CHSY3: variants seen among roughly 807,000 people sequenced by gnomAD.
The protein encoded by CHSY3 is chondroitin sulfate synthase 3, also known as N-acetylgalactosaminyl-proteoglycan 3-beta-glucuronosyltransferase 3.
CHSY3 carries 35 observed loss-of-function variants against 67.2 expected under a neutral mutation model. The ratio of observed to expected loss-of-function variants is 0.52; its 90% CI spans 0.40 to 0.69. The LOEUF (loss-of-function observed/expected upper bound fraction) is 0.69. Among genes scored for constraint, CHSY3 ranks in the 30% least tolerant of loss-of-function variants. The probability of loss-of-function intolerance (pLI) is 0.00; values close to 1 mark genes in which losing one functional copy is unlikely to be tolerated. For missense variants in CHSY3, 1,069 were observed against 1,138.5 expected, an observed-to-expected ratio of 0.94 and a Z score of 0.88; for synonymous variants, 474 against 434.7, an observed-to-expected ratio of 1.09 and a Z score of -1.12.
chr5:130,112,171 G>T (rs775524380), intron 2 of CHSY3, among the ~76,000 whole-genome samples: 12 of 151,990 alleles, frequency 7.9e-5, no homozygotes, highest in Non-Finnish European at 1.8e-4. Flanking sequence ...TATAATTGGA[G>T]ATATCAAACA....
chr5:130,084,580 T>C (rs1271449833), intron 2 of CHSY3, among the ~76,000 whole-genome samples: 4 of 151,148 alleles, frequency 2.6e-5, no homozygotes, highest in Non-Finnish European at 4.4e-5. Flanking sequence ...AAGAGAGTAA[T>C]TGATCTTTTA....
intron 2 of CHSY3, among the ~76,000 whole-genome samples, chr5:129,998,354 A>G (rs62391410): frequency 0.53 from 80,990 of 151,930 alleles, 21,924 homozygotes; most frequent in Non-Finnish European, 0.59. Flanking sequence ...GTTTCACTGT[A>G]AGGATATAAA....
chr5:130,001,869 G>A, intron 2 of CHSY3: 1 of 928,016 alleles, frequency 1.1e-6, no homozygotes, highest in Non-Finnish European at 1.3e-6. Context: ...ATATAATCCT[G>A]TGTGTAACCA....
At chr5:130,086,911 C>CA (rs1212323807) in intron 2 of CHSY3, among the ~76,000 whole-genome samples, 6 of 151,788 alleles carry the variant, frequency 4.0e-5, no homozygotes, top group African/African-American at 7.3e-5. Flanking sequence ...AGAGACACAA[C>CA]AAAAAAAGAG....
chr5:130,043,959 T>C (rs1040711673), intron 2 of CHSY3, among the ~76,000 whole-genome samples: 1 of 152,122 alleles, frequency 6.6e-6, no homozygotes, highest in Non-Finnish European at 1.5e-5. Flanking sequence ...GATTTGGCCA[T>C]GCTGAGGTTA....
chr5:130,005,417 C>T (rs1763847450), intron 2 of CHSY3, among the ~76,000 whole-genome samples: 1 of 111,098 alleles, frequency 9.0e-6, no homozygotes, highest in South Asian at 2.8e-4. Context: ...CTGTGAAAAA[C>T]AAGACGAAAC....
chr5:129,912,979 T>C (rs893373077), intron 2 of CHSY3, among the ~76,000 whole-genome samples: 23 of 152,246 alleles, frequency 1.5e-4, no homozygotes, highest in Non-Finnish European at 2.5e-4. Flanking sequence ...TTCTATTCTA[T>C]TCACTCTGCA....
At chr5:129,929,252 T>C (rs1251435037) in intron 2 of CHSY3, among the ~76,000 whole-genome samples, 1 of 152,164 alleles carries the variant, frequency 6.6e-6, no homozygotes, top group African/African-American at 2.4e-5. Context: ...GAGAGATCTG[T>C]GAGGAGTGAA....
intron 2 of CHSY3, among the ~76,000 whole-genome samples, chr5:130,132,875 A>G (rs140784802): frequency 6.6e-6 from 1 of 152,282 alleles, no homozygotes; most frequent in African/African-American, 2.4e-5. Flanking sequence ...CATCAATAGT[A>G]CCAATGTTGA....
At position 130,185,840 on chromosome 5, in the gene CHSY3, G is replaced by A. The variant is rs1169476210; in HGVS notation, c.*49G>A. On this transcript the variant is annotated 3_prime_UTR_variant, in exon 3 of 3. Coordinates refer to ENST00000305031, the MANE Select transcript of CHSY3 (RefSeq NM_175856.5). Reference sequence around the variant, plus strand: ...TTTTTTAAGGGGAGTTTACCTCATTGTTGGTTGTTGTTATTTTTATTGTAT... The same window carrying A: ...TTTTTTAAGGGGAGTTTACCTCATTATTGGTTGTTGTTATTTTTATTGTAT... 5 of 1,132,682 alleles carry A rather than the reference G, an allele frequency of 4.4e-6. No homozygotes were observed. Among genetic ancestry groups the A allele is most frequent in the Non-Finnish European group, 6.1e-6 (5 of 819,866 alleles). 70.2% of individuals were successfully genotyped at this position (1,132,682 alleles called of 1,614,324 possible). A position where few individuals can be genotyped will look rare whatever the true frequency, so the allele number is the denominator to read the frequency against.
intron 2 of CHSY3, among the ~76,000 whole-genome samples, chr5:130,107,559 T>C (rs760086644): frequency 4.0e-5 from 6 of 151,624 alleles, no homozygotes; most frequent in Non-Finnish European, 8.9e-5. Context: ...TTCCTTCTGC[T>C]TTATACATAC....
intron 2 of CHSY3, among the ~76,000 whole-genome samples, chr5:130,085,237 A>G (rs1387449167): frequency 2.0e-5 from 3 of 152,048 alleles, no homozygotes; most frequent in Non-Finnish European, 2.9e-5. Flanking sequence ...GTCAATAAAA[A>G]CTAAAATTTG....
At chr5:130,154,128 G>A (rs773207197) in intron 2 of CHSY3, among the ~76,000 whole-genome samples, 18 of 152,034 alleles carry the variant, frequency 1.2e-4, no homozygotes, top group Admixed American at 9.2e-4. Flanking sequence ...TATTGGTCAG[G>A]CTGGTCTTGA....
At chr5:130,086,744 G>C (rs960368234) in intron 2 of CHSY3, among the ~76,000 whole-genome samples, 1 of 151,912 alleles carries the variant, frequency 6.6e-6, no homozygotes, top group Non-Finnish European at 1.5e-5. Context: ...CAACCAAAAA[G>C]AGTCCAGGAC....
At chr5:129,987,526 A>G (rs1172605345) in intron 2 of CHSY3, among the ~76,000 whole-genome samples, 1 of 152,168 alleles carries the variant, frequency 6.6e-6, no homozygotes, top group Non-Finnish European at 1.5e-5. Flanking sequence ...ATGAAAATAT[A>G]CCATATTTCT....
chr5:130,143,821 T>C lies in CHSY3; in HGVS notation c.1087-40408T>C, dbSNP rs1308418603. On this transcript the variant is annotated intron_variant, in intron 2 of 2. Coordinates refer to ENST00000305031, the MANE Select transcript of CHSY3 (RefSeq NM_175856.5). ...ATATATATATGTGTGTATATATATA[T>C]ATATATATATATATATATATATATA... Among the ~76,000 whole-genome samples the C allele has an allele frequency of 1.4e-3, 179 of 126,022 alleles. 10 individuals are homozygous for C. Among genetic ancestry groups the C allele is most frequent in the South Asian group, 0.014 (53 of 3,770 alleles). The allele number at this position is 126,022 out of a possible 152,430, so 82.7% of individuals were successfully genotyped here.
intron 2 of CHSY3, among the ~76,000 whole-genome samples, chr5:129,927,073 G>T (rs946148039): frequency 6.6e-6 from 1 of 151,708 alleles, no homozygotes; most frequent in Admixed American, 6.6e-5. Context: ...TTTTCATGAG[G>T]TCCTATAAGG....
At chr5:130,168,135 G>A (rs79494681) in intron 2 of CHSY3, among the ~76,000 whole-genome samples, 8,213 of 152,138 alleles carry the variant, frequency 0.054, 620 homozygotes, top group African/African-American at 0.15. Flanking sequence ...TCCTACAGAA[G>A]CCCTAGTTTT....
chr5:130,045,596 C>A (rs897840015), intron 2 of CHSY3, among the ~76,000 whole-genome samples: 15 of 152,066 alleles, frequency 9.9e-5, no homozygotes, highest in African/African-American at 3.6e-4. Flanking sequence ...CTGATCAGTT[C>A]TGTCTGTGTG....
Sources: allele counts gnomAD v4.1 joint callset (sites outside exome capture counted in the v4.1 genomes callset), GRCh38; gene constraint gnomAD v4.1.1; transcripts MANE v1.5; gene names NCBI Gene and HGNC (gene_info 2026-07-23, HGNC 2026-07-21).